The following ITGA3 variants were observed in gnomAD, a reference collection of about 807,000 sequenced individuals.
ITGA3 encodes integrin subunit alpha 3.
ITGA3 carries 70 observed loss-of-function variants against 131.1 expected under a neutral mutation model. That is an observed-to-expected ratio of 0.53 (90% confidence interval 0.44 to 0.65). ITGA3 has a LOEUF of 0.65. ITGA3 is among the 30% of genes least tolerant of loss of function. The probability of loss-of-function intolerance (pLI) is 0.00; values close to 1 mark genes in which losing one functional copy is unlikely to be tolerated. For missense variants in ITGA3, 1,098 were observed against 1,388.6 expected (o/e 0.79, Z 3.33); for synonymous variants, 537 against 571.6 (o/e 0.94, Z 0.86).
rs374164541 is a variant in ITGA3, at chr17:50,076,490, C to A, written c.1824+15C>A. On this transcript the variant is annotated intron_variant, in intron 13 of 25. Coordinates refer to ENST00000320031, the MANE Select transcript of ITGA3 (RefSeq NM_002204.4). ...ACCACACTGAGGTGAGTGGGGCTGGCGCCTGGACTGGAAGACCAGGGGCCA... is the reference window on the plus strand; with the variant it reads ...ACCACACTGAGGTGAGTGGGGCTGGAGCCTGGACTGGAAGACCAGGGGCCA... 7 of 1,607,384 alleles carry A rather than the reference C, an allele frequency of 4.4e-6. No individual in the cohort carries two copies. In the Admixed American group the frequency reaches 1.0e-4, roughly 23 times the overall value.
In ITGA3 at chr17:50,087,766, A is replaced by T. The variant is rs1189212431; in HGVS notation, c.2942A>T (p.Glu981Val). 5 of 1,613,222 alleles carry T rather than the reference A, an allele frequency of 3.1e-6. No individual in the cohort carries two copies. Among genetic ancestry groups the T allele is most frequent in the Admixed American group, 1.7e-5 (1 of 59,996 alleles). The stretch of plus-strand genomic sequence containing the variant: ...CAGTTCTCTGTGGACATTGACTCGG[A>T]GCTGGTGGAGGAGCTGCCGGCCGAA... ...TTWFSVDIDSELVEELPAEIE... is the reference protein window; with the variant it reads ...TTWFSVDIDSVLVEELPAEIE... Residue 981 changes from glutamate to valine, a missense_variant, in exon 24 of 26, where the codon GAG (glutamate) becomes GTG (valine). Coordinates refer to ENST00000320031, the MANE Select transcript of ITGA3 (RefSeq NM_002204.4).
At chr17:50,069,439 G>A (rs1390805739) in intron 4 of ITGA3, among the ~76,000 whole-genome samples, 2 of 152,188 alleles carry the variant, frequency 1.3e-5, no homozygotes, top group East Asian at 1.9e-4. Flanking sequence ...ACTGAGGTGG[G>A]AGGATCACTT....
At chr17:50,085,071 G>A (rs183015396) in intron 23 of ITGA3, among the ~76,000 whole-genome samples, 1 of 151,570 alleles carries the variant, frequency 6.6e-6, no homozygotes, top group Non-Finnish European at 1.5e-5. Flanking sequence ...GGGTGGTGGC[G>A]GGCGCCTGTA....
Position 50,064,146 on chromosome 17 carries a change from C to T in ITGA3, c.276C>T (p.Tyr92=). The change falls in exon 2 of 26, where the codon TAC becomes TAT. Residue 92 remains tyrosine (Y), a synonymous_variant. Transcript: ENST00000320031. This position sits in a 1 kb window ranked among gnomAD's most constrained non-coding sequence, Gnocchi z 4.4. ...DGYTNRTGAV[Y]LCPLTAHKDD... ...ACACCAACCGGACTGGTGCTGTGTA[C>T]CTGTGCCCACTCACTGCCCACAAGG... 6.2e-7 allele frequency: 1 copy of T among 1,611,860 alleles called. No homozygotes were observed.
chr17:50,080,959 C>T (rs1909161511), intron 22 of ITGA3: 1 of 259,696 alleles, frequency 3.9e-6, no homozygotes, highest in Non-Finnish European at 7.4e-6. Context: ...TGCCATTGCA[C>T]CACACAAACA....
chr17:50,074,797 C>G (rs1287451391), intron 10 of ITGA3, among the ~76,000 whole-genome samples: 1 of 152,198 alleles, frequency 6.6e-6, no homozygotes, highest in East Asian at 1.9e-4. Flanking sequence ...TATGCCAGTG[C>G]AGGGGTGGGG....
At chr17:50,073,845 T>C in intron 7 of ITGA3, 71 bp from the exon 8 acceptor site, 1 of 1,120,268 alleles carries the variant, frequency 8.9e-7, no homozygotes, top group Admixed American at 1.7e-5. Context: ...CTGTATGGCC[T>C]GGAGCAAAGA....
At chr17:50,068,410 CCT>C (rs1336977003) in intron 4 of ITGA3, 105 bp downstream of exon 4, 17 of 1,276,012 alleles carry the variant, frequency 1.3e-5, no homozygotes, top group Middle Eastern at 1.9e-4. Context: ...AGAAACAGGA[CCT>C]CATGCCAGTA....
At chr17:50,069,114 C>G (rs1908496220) in intron 4 of ITGA3, among the ~76,000 whole-genome samples, 1 of 152,106 alleles carries the variant, frequency 6.6e-6, no homozygotes, top group Admixed American at 6.5e-5. Flanking sequence ...TCCCAAAGTA[C>G]TGGGATTACA....
chr17:50,067,364 G>A (rs900442834), intron 3 of ITGA3, among the ~76,000 whole-genome samples: 1 of 152,210 alleles, frequency 6.6e-6, no homozygotes, highest in East Asian at 1.9e-4. Context: ...CACCCAGAGA[G>A]GCTGCGCATA....
At chr17:50,077,287 C>G in intron 15 of ITGA3, 92 bp from the exon 16 acceptor site, 1 of 1,364,896 alleles carries the variant, frequency 7.3e-7, no homozygotes, top group Non-Finnish European at 1.0e-6. Flanking sequence ...ATCCGGCTCT[C>G]AAGCTCTAGG....
rs569140894 is a variant in ITGA3 at position 50,071,681 on chromosome 17, A to G, written c.959+163A>G. ...TTTATGGGAGTCTGAGCACCTGCAC[A>G]TGGCATTTGTGGGACCCCTGCGTTT... is the stretch of plus-strand genomic sequence containing the variant. On this transcript the variant is annotated intron_variant, in intron 6 of 25. Coordinates refer to ENST00000320031, the MANE Select transcript of ITGA3 (RefSeq NM_002204.4). The G allele has an allele frequency of 6.6e-5, 45 of 678,778 alleles. No homozygotes were observed. The African/African-American group carries it at 7.8e-4, about 12-fold the overall frequency. 42.0% of individuals were successfully genotyped at this position (678,778 alleles called of 1,614,324 possible). A position where few individuals can be genotyped will look rare whatever the true frequency, so the allele number is the denominator to read the frequency against.
intron 11 of ITGA3, 36 bp from the exon 12 acceptor site, chr17:50,075,563 C>A (rs1248797932): frequency 1.3e-5 from 21 of 1,614,096 alleles, no homozygotes; most frequent in Non-Finnish European, 1.7e-5. Flanking sequence ...GGGTACGCTC[C>A]CCTGTCCCCT....
At chr17:50,063,279 G>A (rs1908178847) in intron 1 of ITGA3, among the ~76,000 whole-genome samples, 1 of 152,124 alleles carries the variant, frequency 6.6e-6, no homozygotes, top group Non-Finnish European at 1.5e-5. Flanking sequence ...CTCTGCTCTG[G>A]GGCCACATTG....
In ITGA3 at chr17:50,086,701, A is replaced by AC. The variant is rs1185860870; in HGVS notation, c.2920-1043_2920-1042insC. 9.3e-5 allele frequency: 14 copies of AC among 150,498 alleles called. 1 individual carries two copies. The highest frequency in any genetic ancestry group is 2.1e-4 in the Non-Finnish European group (14 of 67,586). 9.3% of individuals were successfully genotyped at this position (150,498 alleles called of 1,614,324 possible). The stretch of plus-strand genomic sequence containing the variant: ...AAAACTCCATCTCAAAAAAAAAAAA[A>AC]AAAAAACCTCATATACACACACATC... On this transcript the variant is annotated intron_variant, in intron 23 of 25. Transcript: ENST00000320031.
rs1374933136 is a variant in ITGA3, at chr17:50,077,423, G to A, written c.2115G>A (p.Gly705=). The A allele has an allele frequency of 6.8e-6, 11 of 1,613,986 alleles. No homozygotes were observed. The highest frequency in any genetic ancestry group is 8.5e-6 in the Non-Finnish European group (10 of 1,179,906). ...QANETIFCEL[G]NPFKRNQRME... is the part of the protein sequence containing the mutation. Reference sequence around the variant, plus strand: ...ATGAGACCATCTTTTGCGAGCTGGGGAACCCCTTCAAACGGAACCAGAGGG... The same window carrying A: ...ATGAGACCATCTTTTGCGAGCTGGGAAACCCCTTCAAACGGAACCAGAGGG... The change falls in exon 16 of 26, where the codon GGG becomes GGA. Residue 705 remains glycine, a synonymous_variant. Coordinates refer to ENST00000320031, the MANE Select transcript of ITGA3 (RefSeq NM_002204.4).
At chr17:50,069,029 T>C (rs1450131752) in intron 4 of ITGA3, among the ~76,000 whole-genome samples, 2 of 151,808 alleles carry the variant, frequency 1.3e-5, no homozygotes, top group African/African-American at 4.8e-5. Flanking sequence ...TTTGTATTTT[T>C]AGTAGAGACG....
chr17:50,088,184 CGCCCCCCTGATG>C, intron 24 of ITGA3, 29 bp from the exon 25 acceptor site: 1 of 1,538,380 alleles, frequency 6.5e-7, no homozygotes. Context: ...GATAGCCCAG[CGCCCCCCTGATG>C]GCCCGTCCCC....
Position 50,077,304 on chromosome 17 carries a change from G to A in ITGA3, c.2071-75G>A, listed in dbSNP as rs144239147. 0.017 allele frequency: 24,648 copies of A among 1,414,100 alleles called. 282 individuals are homozygous for A. The highest frequency in any genetic ancestry group is 0.021 in the Non-Finnish European group (20,676 of 1,006,212). 87.6% of individuals were successfully genotyped at this position (1,414,100 alleles called of 1,614,324 possible). A position where few individuals can be genotyped will look rare whatever the true frequency, so the allele number is the denominator to read the frequency against. On this transcript the variant is annotated intron_variant, in intron 15 of 25. Transcript: ENST00000320031. ...CCGGCTCTCAAGCTCTAGGGCTTCT[G>A]ACCTTGCACCACAGAGGAGGGAGGA...
Sources: gnomAD v4.1 joint callset for allele counts (sites outside exome capture counted in the v4.1 genomes callset) on GRCh38, gnomAD v4.1.1 for gene constraint, Gnocchi (gnomAD v3.1) non-coding constraint, MANE v1.5 for transcripts, NCBI Gene and HGNC (gene_info 2026-07-23, HGNC 2026-07-21) for gene names.